Variants in KLHL1 observed in about 807,000 individuals in gnomAD.
The protein encoded by KLHL1 is kelch-like protein 1.
KLHL1 carries 47 observed loss-of-function variants against 77.7 expected under a neutral mutation model. The observed-to-expected ratio is 0.60, with a 90% CI of 0.48 to 0.77. The LOEUF is 0.77. KLHL1 is among the 30% of genes least tolerant of loss of function. The probability of loss-of-function intolerance (pLI) is 0.00; values close to 1 mark genes in which losing one functional copy is unlikely to be tolerated. For missense variants in KLHL1, 925 were observed against 910.8 expected, an observed-to-expected ratio of 1.02 and a Z score of -0.20; for synonymous variants, 360 against 325.2, an observed-to-expected ratio of 1.11 and a Z score of -1.15.
chr13:70,001,348 T>C (rs1270401226), intron 1 of KLHL1, among the ~76,000 whole-genome samples: 1 of 151,246 alleles, frequency 6.6e-6, no homozygotes, highest in African/African-American at 2.4e-5. Flanking sequence ...ATATGTTATA[T>C]GAATTATCCT....
At chr13:70,036,590 A>G (rs897003123) in intron 1 of KLHL1, among the ~76,000 whole-genome samples, 1 of 152,060 alleles carries the variant, frequency 6.6e-6, no homozygotes, top group South Asian at 2.1e-4. Flanking sequence ...ATCATATAAT[A>G]CGTATTTACC....
intron 1 of KLHL1, among the ~76,000 whole-genome samples, chr13:70,098,501 T>C (rs1887845541): frequency 6.6e-6 from 1 of 151,846 alleles, no homozygotes; most frequent in South Asian, 2.1e-4. Context: ...GAGACACTCT[T>C]AAATCTTTCA....
intron 1 of KLHL1, among the ~76,000 whole-genome samples, chr13:70,066,003 A>C (rs1331862029): frequency 6.6e-6 from 1 of 152,210 alleles, no homozygotes; most frequent in Non-Finnish European, 1.5e-5. Flanking sequence ...GCATTAACTA[A>C]AGACATTGAT....
At chr13:69,719,083 ATTAT>A (rs894900891) in intron 9 of KLHL1, among the ~76,000 whole-genome samples, 2 of 152,100 alleles carry the variant, frequency 1.3e-5, no homozygotes, top group African/African-American at 4.8e-5. Flanking sequence ...AAATTTAAAG[ATTAT>A]TTAAGGACTT....
At chr13:69,886,378 GT>G (rs67311577) in intron 4 of KLHL1, among the ~76,000 whole-genome samples, 135,383 of 150,422 alleles carry the variant, frequency 0.9, 61,684 homozygotes, top group Non-Finnish European at 0.97. Context: ...TTTTGCACCA[GT>G]TTTTTTTTTG....
At chr13:69,924,488 C>T (rs1183161148) in intron 4 of KLHL1, among the ~76,000 whole-genome samples, 1 of 152,174 alleles carries the variant, frequency 6.6e-6, no homozygotes, top group Non-Finnish European at 1.5e-5. Flanking sequence ...GAGAGCTGAA[C>T]ACTCATTGGG....
intron 5 of KLHL1, among the ~76,000 whole-genome samples, chr13:69,855,333 TAGATAGATAGATAGAC>T (rs1268558765): frequency 0.066 from 6,508 of 97,952 alleles, 315 homozygotes; most frequent in African/African-American, 0.18. Context: ...GATAGATAGA[TAGATAGATAGATAGAC>T]AGACAGATAG....
intron 1 of KLHL1, among the ~76,000 whole-genome samples, chr13:70,044,282 G>A (rs565681703): frequency 6.6e-6 from 1 of 152,202 alleles, no homozygotes; most frequent in South Asian, 2.1e-4. Context: ...CTCAGTAATT[G>A]ACATTGCATA....
intron 1 of KLHL1, among the ~76,000 whole-genome samples, chr13:70,080,468 G>T (rs1225735229): frequency 6.6e-6 from 1 of 152,074 alleles, no homozygotes; most frequent in Non-Finnish European, 1.5e-5. Context: ...CTCTTTGCTG[G>T]ATGTTCTGTT....
chr13:69,717,962 T>C (rs1193316042), intron 9 of KLHL1, among the ~76,000 whole-genome samples: 3 of 152,046 alleles, frequency 2.0e-5, no homozygotes, highest in African/African-American at 7.2e-5. Context: ...TTTCACAGAG[T>C]GGCAATATTG....
chr13:70,082,242 T>C (rs1887409918), intron 1 of KLHL1, among the ~76,000 whole-genome samples: 1 of 151,810 alleles, frequency 6.6e-6, no homozygotes, highest in Admixed American at 6.6e-5. Flanking sequence ...TATTTCTTTA[T>C]AGCAGTGCAA....
chr13:70,012,017 T>C (rs961372127), intron 1 of KLHL1, among the ~76,000 whole-genome samples: 1 of 152,048 alleles, frequency 6.6e-6, no homozygotes, highest in African/African-American at 2.4e-5. Context: ...GGGGAACTCC[T>C]CTTTATAAAA....
intron 4 of KLHL1, among the ~76,000 whole-genome samples, chr13:69,919,271 T>G (rs1363021642): frequency 1.3e-5 from 2 of 152,198 alleles, no homozygotes; most frequent in Non-Finnish European, 2.9e-5. Flanking sequence ...TCCATTTATT[T>G]ATAGAAATCT....
intron 7 of KLHL1, among the ~76,000 whole-genome samples, chr13:69,781,457 G>A (rs75695632): frequency 0.013 from 1,933 of 152,016 alleles, 30 homozygotes; most frequent in African/African-American, 0.043. Flanking sequence ...TTTGCCTGTC[G>A]GAAGTTTGAA....
intron 4 of KLHL1, among the ~76,000 whole-genome samples, chr13:69,915,897 G>GA (rs1415863538): frequency 1.3e-5 from 2 of 151,878 alleles, no homozygotes; most frequent in Admixed American, 6.6e-5. Context: ...AAATTTACAA[G>GA]AAAAAAACAA....
intron 2 of KLHL1, 29 bp downstream of exon 2, chr13:69,975,591 A>G (rs2137291630): frequency 1.3e-6 from 2 of 1,588,118 alleles, no homozygotes; most frequent in Non-Finnish European, 1.7e-6. Flanking sequence ...ATGTGAATGC[A>G]TGTTTCCAGT....
chr13:69,842,214 G>C (rs1247598467), intron 5 of KLHL1, among the ~76,000 whole-genome samples: 1 of 151,618 alleles, frequency 6.6e-6, no homozygotes, highest in Admixed American at 6.6e-5. Context: ...AAATTAAAAA[G>C]CTTCTGCACA....
chr13:70,005,445 T>C (rs1338873655), intron 1 of KLHL1, among the ~76,000 whole-genome samples: 2 of 152,002 alleles, frequency 1.3e-5, no homozygotes, highest in African/African-American at 4.8e-5. Flanking sequence ...CATGCAAACT[T>C]TCTTAAAACA....
At chr13:69,964,847 G>C (rs1036059542) in intron 2 of KLHL1, among the ~76,000 whole-genome samples, 1 of 151,914 alleles carries the variant, frequency 6.6e-6, no homozygotes, top group East Asian at 1.9e-4. Context: ...AAACAACTGG[G>C]TCATCTCTTG....
Sources: gnomAD v4.1 joint callset for allele counts (sites outside exome capture counted in the v4.1 genomes callset) on GRCh38, gnomAD v4.1.1 for gene constraint, MANE v1.5 for transcripts, NCBI Gene and HGNC (gene_info 2026-07-23, HGNC 2026-07-21) for gene names.